The following MATK variants were observed in gnomAD, a reference collection of about 807,000 sequenced individuals.
MATK encodes megakaryocyte-associated tyrosine kinase.
MATK carries 41 observed loss-of-function variants against 59.8 expected under a neutral mutation model. That is an observed-to-expected ratio of 0.69 (90% CI 0.53 to 0.89). MATK has a LOEUF of 0.89. Among genes scored for constraint, MATK ranks in the 40% least tolerant of loss-of-function variants. The pLI is 0.00. For missense variants in MATK, 593 were observed against 719.6 expected, an observed-to-expected ratio of 0.82 and a Z score of 2.01; for synonymous variants, 308 against 306.1, an observed-to-expected ratio of 1.01 and a Z score of -0.06.
At chr19:3,782,565 G>A (rs181228991) in intron 7 of MATK, among the ~76,000 whole-genome samples, 2 of 152,346 alleles carry the variant, frequency 1.3e-5, no homozygotes, top group African/African-American at 4.8e-5. Flanking sequence ...AGTTGACCTG[G>A]GAGGGGGTGG....
exon 1 of MATK, chr19:3,801,535 T>TGTCGCCTAG (rs1192943640): frequency 1.3e-5 from 2 of 152,388 alleles, no homozygotes; most frequent in African/African-American, 4.8e-5. Context: ...CACTCACCGA[T>TGTCGCCTAG]GTCGCCTAGC....
At chr19:3,778,462 C>A in intron 13 of MATK, 40 bp from the exon 14 acceptor site, 1 of 1,613,702 alleles carries the variant, frequency 6.2e-7, no homozygotes. Flanking sequence ...GGGCCACAGC[C>A]TCTGGACCTG....
In MATK at chr19:3,779,106, T is replaced by A. The variant is rs2145745336; in HGVS notation, c.1083A>T (p.Ser361=). ...CGCTGACCTTGGCCACCAGGTCCTCTGAGACCAGGATGTTGCGGGCGGCCA... is the reference window on the plus strand; with the variant it reads ...CGCTGACCTTGGCCACCAGGTCCTCAGAGACCAGGATGTTGCGGGCGGCCA... ...RDLAARNILV[S]EDLVAKVSDF... The change falls in exon 12 of 14, where the codon TCA becomes TCT. Residue 361 remains serine (S), a synonymous_variant. Coordinates refer to ENST00000310132, the MANE Select transcript of MATK (RefSeq NM_139355.3). 1 of 1,610,604 alleles carries A rather than the reference T, an allele frequency of 6.2e-7. No homozygotes were observed. Among genetic ancestry groups the A allele is most frequent in the Non-Finnish European group, 8.5e-7 (1 of 1,179,450 alleles).
intron 3 of MATK, 163 bp downstream of exon 3, chr19:3,784,662 G>A (rs553484802): frequency 3.4e-4 from 236 of 695,506 alleles, no homozygotes; most frequent in Admixed American, 5.9e-4. Flanking sequence ...GAGGCGGCCT[G>A]GGACAGAAGG....
chr19:3,784,420 G>T lies in MATK; in HGVS notation c.164C>A (p.Thr55Asn). Residue 55 changes from threonine to asparagine, a missense_variant, in exon 4 of 14, where the codon ACC (threonine) becomes AAC (asparagine). Transcript: ENST00000310132. ...CTTGGGGCGGGTGTGCTCGCATTTG[G>T]TGATACACTGGGTGCCCGGGGCCCA... is the stretch of plus-strand genomic sequence containing the variant. ...RRWAPGTQCI[T>N]KCEHTRPKPG... 1 of 1,602,760 alleles carries T rather than the reference G, an allele frequency of 6.2e-7. No individual in the cohort carries two copies.
At chr19:3,780,593 ATTTT>A (rs753906037) in intron 8 of MATK, among the ~76,000 whole-genome samples, 2 of 122,246 alleles carry the variant, frequency 1.6e-5, no homozygotes, top group Non-Finnish European at 1.7e-5. Flanking sequence ...CGCCCGGCTA[ATTTT>A]TTTTTTTTTT....
intron 6 of MATK, 110 bp downstream of exon 6, chr19:3,783,704 G>T: frequency 1.0e-6 from 1 of 956,726 alleles, no homozygotes; most frequent in Non-Finnish European, 1.6e-6. Flanking sequence ...AGCTGCTGGG[G>T]AAGGGATGGA....
At chr19:3,778,941 C>T in intron 12 of MATK, 51 bp downstream of exon 12, 1 of 1,487,502 alleles carries the variant, frequency 6.7e-7, no homozygotes, top group Non-Finnish European at 8.9e-7. Flanking sequence ...GGTCATACAG[C>T]AGAGCTGGGG....
intron 1 of MATK, among the ~76,000 whole-genome samples, chr19:3,795,152 C>T (rs552700805): frequency 1.3e-5 from 2 of 150,280 alleles, no homozygotes; most frequent in East Asian, 2.0e-4. Context: ...TAATTTTTTG[C>T]ATTTTTAGTA....
At position 3,779,708 on chromosome 19, in the gene MATK, CCGTCT is replaced by C. The variant is rs1204338120; in HGVS notation, c.827_831del (p.Glu276GlyfsTer150). The C allele has an allele frequency of 6.2e-7, 1 of 1,612,994 alleles. No homozygotes were observed. The highest frequency in any genetic ancestry group is 1.1e-5 in the South Asian group (1 of 91,074). On this transcript the variant is annotated frameshift_variant, in exon 9 of 14. Transcript: ENST00000310132. LOFTEE classifies it high-confidence loss of function. ...CACCCTGGGACTCACGTCATGACGG[CCGTCT>C]CGTCCAGGAAGGCCTGGGCTGTCAC...
exon 1 of MATK, chr19:3,801,729 C>T (rs1428207904): frequency 6.6e-6 from 1 of 152,244 alleles, no homozygotes; most frequent in Non-Finnish European, 1.5e-5. Flanking sequence ...GGAGCGACCG[C>T]GTTTCAGGCC....
At position 3,778,527 on chromosome 19, in the gene MATK, C is replaced by T; in HGVS notation, c.1266G>A (p.Arg422=). 6.2e-7 allele frequency: 1 copy of T among 1,613,874 alleles called. No individual in the cohort carries two copies. The highest frequency in any genetic ancestry group is 1.6e-4 in the Middle Eastern group (1 of 6,062). The change falls in exon 13 of 14, where the codon CGG becomes CGA. Residue 422 remains arginine (R), a synonymous_variant. Transcript: ENST00000310132. ...CGCTCACCATTTTAGGGTACGGAGC[C>T]CGTCCATATGAGAAGACCTCCCAGA... ...VLLWEVFSYG[R]APYPKMSLKE...
chr19:3,784,967 G>T, intron 2 of MATK, 83 bp from the exon 3 acceptor site: 1 of 1,433,042 alleles, frequency 7.0e-7, no homozygotes, highest in African/African-American at 1.4e-5. Context: ...GGTCAGGTGG[G>T]GGCGATGGCT....
At chr19:3,790,890 G>A (rs914917589), upstream of MATK, among the ~76,000 whole-genome samples, 15 of 152,144 alleles carry the variant, frequency 9.9e-5, no homozygotes, top group African/African-American at 2.4e-4. Flanking sequence ...GAGCCTGGCC[G>A]TCTCTCCTTG....
chr19:3,789,340 C>T (rs1288764692), upstream of MATK: 2 of 775,816 alleles, frequency 2.6e-6, no homozygotes, highest in Admixed American at 1.7e-5. Flanking sequence ...AGGGAAATGT[C>T]CCTGCATGAG....
At chr19:3,784,588 G>A (rs2037452775) in intron 3 of MATK, 137 bp from the exon 4 acceptor site, 10 of 666,130 alleles carry the variant, frequency 1.5e-5, no homozygotes, top group East Asian at 5.4e-5. Context: ...GAAAACAGAC[G>A]CAGACATCGG....
At position 3,778,045 on chromosome 19, in the gene MATK, C is replaced by T; in HGVS notation, c.*138G>A. ...GGTGTCCACGGGCCGCCCAGAGCCC[C>T]CTACGTGGGCCAGCCCCTGCTGTGG... On this transcript the variant is annotated 3_prime_UTR_variant, in exon 14 of 14. Coordinates refer to ENST00000310132, the MANE Select transcript of MATK (RefSeq NM_139355.3). 2 of 1,294,390 alleles carry T rather than the reference C, an allele frequency of 1.5e-6. No homozygotes were observed. Among genetic ancestry groups the T allele is most frequent in the South Asian group, 1.5e-5 (1 of 66,522 alleles). 80.2% of individuals were successfully genotyped at this position (1,294,390 alleles called of 1,614,324 possible). A position where few individuals can be genotyped will look rare whatever the true frequency, so the allele number is the denominator to read the frequency against.
intron 1 of MATK, among the ~76,000 whole-genome samples, chr19:3,801,338 G>A (rs1385813653): frequency 6.6e-6 from 1 of 152,138 alleles, no homozygotes; most frequent in Middle Eastern, 3.2e-3. Flanking sequence ...GCCTGGCCAG[G>A]GAGATGCTGC....
intron 8 of MATK, among the ~76,000 whole-genome samples, chr19:3,780,191 A>G (rs1395356658): frequency 6.6e-6 from 1 of 151,834 alleles, no homozygotes; most frequent in Non-Finnish European, 1.5e-5. Context: ...GAGGCAGGAG[A>G]ATCACTTGAA....
Sources: gnomAD v4.1 joint callset for allele counts (sites outside exome capture counted in the v4.1 genomes callset) on GRCh38, gnomAD v4.1.1 for gene constraint, MANE v1.5 for transcripts, NCBI Gene and HGNC (gene_info 2026-07-23, HGNC 2026-07-21) for gene names.